The following PCDHA1 variants were observed in gnomAD, a reference collection of about 807,000 sequenced individuals.
PCDHA1 encodes the protein protocadherin alpha 1.
In PCDHA1, 42 loss-of-function variants were observed where a neutral mutation model predicts 61.3. The observed-to-expected ratio is 0.69, with a 90% CI of 0.54 to 0.89. The LOEUF is 0.89. PCDHA1 is among the 40% of genes least tolerant of loss of function. The pLI, the probability that PCDHA1 is intolerant of heterozygous loss-of-function variation, is 0.00. For missense variants in PCDHA1, 1,256 were observed against 1,235.3 expected, an observed-to-expected ratio of 1.02 and a Z score of -0.25; for synonymous variants, 610 against 553.8, an observed-to-expected ratio of 1.10 and a Z score of -1.43.
intron 1 of PCDHA1, chr5:140,884,666 A>C (rs1554181818): frequency 6.4e-7 from 1 of 1,571,180 alleles, no homozygotes; most frequent in African/African-American, 1.4e-5. Flanking sequence ...GAAAGAGGTA[A>C]GCTTATATTT....
At chr5:140,847,826 A>C (rs914616937) in intron 1 of PCDHA1, 1 of 149,784 alleles carries the variant, frequency 6.7e-6, no homozygotes, top group Non-Finnish European at 1.5e-5. Context: ...TACTCAAGAA[A>C]ACTACCTCAG....
intron 1 of PCDHA1, chr5:140,869,085 G>C (rs1223648721): frequency 6.3e-7 from 1 of 1,583,562 alleles, no homozygotes; most frequent in Non-Finnish European, 8.6e-7. Flanking sequence ...GCTTATTTTG[G>C]AAGCCAATTT....
chr5:140,985,590 T>C (rs1049609959), intron 3 of PCDHA1, among the ~76,000 whole-genome samples: 5 of 152,166 alleles, frequency 3.3e-5, no homozygotes, highest in African/African-American at 1.2e-4. Flanking sequence ...TCCTTATACT[T>C]GCTTCAGAGC....
intron 3 of PCDHA1, among the ~76,000 whole-genome samples, chr5:140,994,883 A>T (rs1197020328): frequency 6.6e-6 from 1 of 152,222 alleles, no homozygotes; most frequent in Non-Finnish European, 1.5e-5. Flanking sequence ...AAGAGATGTT[A>T]GGAAATGAGA....
chr5:140,855,191 C>T (rs1029956602), intron 1 of PCDHA1, among the ~76,000 whole-genome samples: 1 of 149,742 alleles, frequency 6.7e-6, no homozygotes, highest in East Asian at 1.9e-4. Flanking sequence ...CAAATTGAGG[C>T]CTGAGAATAG....
chr5:140,850,743 T>C, intron 1 of PCDHA1: 1 of 1,597,890 alleles, frequency 6.3e-7, no homozygotes, highest in Non-Finnish European at 8.6e-7. Context: ...GAGTTGGTCG[T>C]ACTCGCAGCA....
chr5:140,830,115 C>T lies in PCDHA1; in HGVS notation c.2394+41431C>T, dbSNP rs2150181340. 2.2e-5 allele frequency: 35 copies of T among 1,613,546 alleles called. No individual in the cohort carries two copies. In the East Asian group the frequency reaches 7.1e-4, roughly 33 times the overall value. On this transcript the variant is annotated intron_variant, in intron 1 of 3. Transcript: ENST00000504120. Reference sequence around the variant, plus strand: ...GTGTCGCTGGTGGAGAGTGGCCAGGCTCCAAAGGCGTCATCACGGGCGTCG... The same window carrying T: ...GTGTCGCTGGTGGAGAGTGGCCAGGTTCCAAAGGCGTCATCACGGGCGTCG...
At chr5:140,850,454 C>A (rs2150484793) in intron 1 of PCDHA1, 7 of 1,597,724 alleles carry the variant, frequency 4.4e-6, no homozygotes, top group Non-Finnish European at 5.1e-6. Flanking sequence ...TGGTGAAAGA[C>A]CACGGGGAGC....
chr5:140,980,036 G>A (rs952735379), intron 2 of PCDHA1, among the ~76,000 whole-genome samples: 9 of 152,294 alleles, frequency 5.9e-5, no homozygotes, highest in Non-Finnish European at 1.0e-4. Flanking sequence ...ATTACATTGG[G>A]TGCTATTTCT....
intron 1 of PCDHA1, among the ~76,000 whole-genome samples, chr5:140,888,663 T>C (rs1278510364): frequency 6.6e-6 from 1 of 152,194 alleles, no homozygotes; most frequent in Non-Finnish European, 1.5e-5. Context: ...CACCACCTAA[T>C]GCCCTGTGCA....
chr5:140,836,830 G>T, intron 1 of PCDHA1: 1 of 945,180 alleles, frequency 1.1e-6, no homozygotes, highest in South Asian at 1.8e-5. Context: ...TTTTTTAGTT[G>T]ATAGCTTTAT....
chr5:140,973,606 G>A (rs1554235444), intron 1 of PCDHA1, among the ~76,000 whole-genome samples: 1 of 152,204 alleles, frequency 6.6e-6, no homozygotes, highest in African/African-American at 2.4e-5. Flanking sequence ...TTATGGCTGA[G>A]CTCTTCTCTG....
rs2126645521 is a variant in PCDHA1, at chr5:140,813,313, C to T, written c.2394+24629C>T. ...TTCTGAGATTTCATCACTGTGCAAA[C>T]ATGAGAGTGTACTTACATATTTACA... On this transcript the variant is annotated intron_variant, in intron 1 of 3. Coordinates refer to ENST00000504120, the MANE Select transcript of PCDHA1 (RefSeq NM_018900.4). The T allele has an allele frequency of 1.1e-4, 17 of 152,282 alleles. 1 individual carries two copies. The South Asian group carries it at 3.5e-3, about 32-fold the overall frequency. The allele number at this position is 152,282 out of a possible 1,614,324, so 9.4% of individuals were successfully genotyped here.
intron 1 of PCDHA1, chr5:140,882,607 T>G (rs1313419888): frequency 6.8e-6 from 11 of 1,614,124 alleles, no homozygotes; most frequent in East Asian, 2.2e-5. Flanking sequence ...TGGACAGGCC[T>G]CTGCAGGTTT....
At chr5:140,849,740 C>T (rs2150447488) in intron 1 of PCDHA1, 1 of 1,598,420 alleles carries the variant, frequency 6.3e-7, no homozygotes, top group East Asian at 2.2e-5. Flanking sequence ...CTCTGGACCG[C>T]GAGAGTGTGT....
chr5:140,919,335 G>A (rs1347619989), intron 1 of PCDHA1, among the ~76,000 whole-genome samples: 2 of 152,122 alleles, frequency 1.3e-5, no homozygotes, highest in African/African-American at 4.8e-5. Context: ...CTTTCAATCT[G>A]TTTGTATCTT....
At chr5:140,794,652 A>G (rs1234094036) in intron 1 of PCDHA1, among the ~76,000 whole-genome samples, 1 of 152,232 alleles carries the variant, frequency 6.6e-6, no homozygotes, top group Non-Finnish European at 1.5e-5. Flanking sequence ...CCAGAGTAAA[A>G]AAGGGTAAAA....
At position 141,010,070 on chromosome 5, in the gene PCDHA1, C is replaced by A. The variant is rs1331011642; in HGVS notation, c.*133C>A. The A allele has an allele frequency of 3.7e-5, 60 of 1,605,422 alleles. No individual in the cohort carries two copies. Among genetic ancestry groups the A allele is most frequent in the Non-Finnish European group, 5.0e-5 (59 of 1,175,768 alleles). ...AGACCTCAGAAATCTGCAGAAAGTT[C>A]CCTGTGTCTGTCTAGAACGCATTTA... is the stretch of plus-strand genomic sequence containing the variant. On this transcript the variant is annotated 3_prime_UTR_variant, in exon 4 of 4. Coordinates refer to ENST00000504120, the MANE Select transcript of PCDHA1 (RefSeq NM_018900.4).
intron 1 of PCDHA1, chr5:140,969,351 G>T: frequency 6.2e-7 from 1 of 1,612,990 alleles, no homozygotes; most frequent in Non-Finnish European, 8.5e-7. Flanking sequence ...TGGTCAGGGG[G>T]TCTTCTACAA....
Sources: gnomAD v4.1 joint callset for allele counts (sites outside exome capture counted in the v4.1 genomes callset) on GRCh38, gnomAD v4.1.1 for gene constraint, MANE v1.5 for transcripts, NCBI Gene and HGNC (gene_info 2026-07-23, HGNC 2026-07-21) for gene names.